Variants in IPO7 observed in about 807,000 individuals in gnomAD.
The protein encoded by IPO7 is importin 7, also known as importin-7.
In IPO7, 13 loss-of-function variants were observed where a neutral mutation model predicts 136.4. The observed-to-expected ratio is 0.10, with a 90% CI of 0.06 to 0.15. The LOEUF (loss-of-function observed/expected upper bound fraction) is 0.15. Ranked by LOEUF, IPO7 falls within the 10% of genes least tolerant of loss-of-function variation. IPO7 has a pLI of 1.00. For synonymous variants in IPO7, 403 were observed against 404.4 expected, an observed-to-expected ratio of 1.00 and a Z score of 0.04; for missense variants, 857 against 1,240.6, an observed-to-expected ratio of 0.69 and a Z score of 4.65.
chr11:9,422,926 T>G, intron 8 of IPO7, 80 bp from the exon 9 acceptor site: 1 of 745,024 alleles, frequency 1.3e-6, no homozygotes, highest in Non-Finnish European at 2.1e-6. Flanking sequence ...TTAAAATATG[T>G]GTTAACTGTT....
At chr11:9,432,404 G>A (rs1855307804) in intron 16 of IPO7, among the ~76,000 whole-genome samples, 1 of 152,018 alleles carries the variant, frequency 6.6e-6, no homozygotes, top group Admixed American at 6.6e-5. Flanking sequence ...GTTTCACCAT[G>A]TTGGCCGGCA....
At chr11:9,389,130 T>C (rs1854593159) in intron 1 of IPO7, among the ~76,000 whole-genome samples, 1 of 151,928 alleles carries the variant, frequency 6.6e-6, no homozygotes, top group South Asian at 2.1e-4. Flanking sequence ...CTTGGCTCAC[T>C]GTAGCCTCCA....
intron 3 of IPO7, among the ~76,000 whole-genome samples, chr11:9,409,493 C>A (rs1461522279): frequency 6.6e-6 from 1 of 152,040 alleles, no homozygotes; most frequent in Non-Finnish European, 1.5e-5. Flanking sequence ...GGCACAGTGG[C>A]CTCAGCCCCC....
rs754058526 is a variant in IPO7, at chr11:9,429,011, TCA to T, written c.1426-18_1426-17del. 6 of 1,607,162 alleles carry T rather than the reference TCA, an allele frequency of 3.7e-6. No homozygotes were observed. The highest frequency in any genetic ancestry group is 5.1e-6 in the Non-Finnish European group (6 of 1,174,038). ...TTTAAGGTAAGGTATCTACAGTAAC[TCA>T]CTGTGTTTTTACAAAAGGCTTGCTG... is the stretch of plus-strand genomic sequence containing the variant. On this transcript the variant is annotated intron_variant, in intron 13 of 24. Coordinates refer to ENST00000379719, the MANE Select transcript of IPO7 (RefSeq NM_006391.3).
intron 24 of IPO7, among the ~76,000 whole-genome samples, chr11:9,443,099 G>A (rs1245866608): frequency 6.6e-6 from 1 of 152,042 alleles, no homozygotes; most frequent in East Asian, 1.9e-4. Context: ...AGCTACTTGG[G>A]AGGCTGGGGC....
In IPO7 at chr11:9,397,343, T is replaced by TAAAAAAA. The variant is rs1854728056; in HGVS notation, c.85-5946_85-5945insAAAAAAA. 3.0e-4 allele frequency among the ~76,000 whole-genome samples: 2 copies of TAAAAAAA among 6,714 alleles called. 1 individual carries two copies. Among genetic ancestry groups the TAAAAAAA allele is most frequent in the African/African-American group, 9.3e-4 (2 of 2,144 alleles). The allele number at this position is 6,714 out of a possible 152,430, so 4.4% of individuals were successfully genotyped here. A position where few individuals can be genotyped will look rare whatever the true frequency, so the allele number is the denominator to read the frequency against. On this transcript the variant is annotated intron_variant, in intron 1 of 24. Transcript: ENST00000379719. ...TTACTAAAAATAATTTAAAAAAAAA[T>TAAAAAAA]ATATATATATATATATATATATTAG...
chr11:9,421,418 A>G (rs1286942178), intron 8 of IPO7, among the ~76,000 whole-genome samples: 1 of 151,190 alleles, frequency 6.6e-6, no homozygotes, highest in South Asian at 2.1e-4. Flanking sequence ...TCACGAGGTC[A>G]GGAGTTCGAG....
intron 12 of IPO7, among the ~76,000 whole-genome samples, chr11:9,426,048 CA>C (rs1222449357): frequency 4.0e-5 from 6 of 148,842 alleles, no homozygotes; most frequent in Non-Finnish European, 5.9e-5. Context: ...GACTCCGTCT[CA>C]AAAAAAAATA....
chr11:9,385,575 G>A (rs1431201889), intron 1 of IPO7, among the ~76,000 whole-genome samples: 3 of 152,206 alleles, frequency 2.0e-5, no homozygotes, highest in African/African-American at 7.2e-5. Context: ...GTGACCTTGG[G>A]CCAGTCGCTT....
At chr11:9,395,490 T>G (rs1461234296) in intron 1 of IPO7, among the ~76,000 whole-genome samples, 1 of 151,888 alleles carries the variant, frequency 6.6e-6, no homozygotes, top group Non-Finnish European at 1.5e-5. Context: ...CTGCCTGCCT[T>G]GGCCTCCCAA....
rs139487830 is a variant in IPO7, at chr11:9,385,464, T to C, written c.84+617T>C. Among the ~76,000 whole-genome samples, 1,391 of 152,304 alleles carry C rather than the reference T, an allele frequency of 9.1e-3. 13 individuals carry two copies. Among genetic ancestry groups the C allele is most frequent in the Non-Finnish European group, 0.014 (925 of 68,004 alleles). On this transcript the variant is annotated intron_variant, in intron 1 of 24. Transcript: ENST00000379719. ...CACTCACAGAGTCTGATCCCTGCTT[T>C]TCCGCTGTCCTAATGCTTCAGTCGG...
In IPO7 at chr11:9,437,881, A is replaced by G; in HGVS notation, c.2396A>G (p.Asn799Ser). 1 of 1,613,690 alleles carries G rather than the reference A, an allele frequency of 6.2e-7. No individual in the cohort carries two copies. Among genetic ancestry groups the G allele is most frequent in the Admixed American group, 1.7e-5 (1 of 60,010 alleles). ...TATTATAATCCACACCTACTACTCA[A>G]TACCTTAGAAAATCTTCGCTTCCCT... ...ALYYNPHLLLNTLENLRFPNN... is the reference protein window; with the variant it reads ...ALYYNPHLLLSTLENLRFPNN... The change falls in exon 21 of 25, where the codon AAT becomes AGT. Residue 799 changes from asparagine (N) to serine (S), a missense_variant. Physicochemically the swap from Asn to Ser is conservative, Grantham distance 46. This residue lies in a region of IPO7 where 190 missense variants were observed against 249.0 expected (regional missense o/e 0.76). Coordinates refer to ENST00000379719, the MANE Select transcript of IPO7 (RefSeq NM_006391.3).
chr11:9,397,985 A>C (rs867884506), intron 1 of IPO7, among the ~76,000 whole-genome samples: 5 of 152,358 alleles, frequency 3.3e-5, no homozygotes, highest in Middle Eastern at 3.4e-3. Flanking sequence ...AACCAAGACT[A>C]TCTGATTGCA....
chr11:9,394,919 T>C (rs913288208), intron 1 of IPO7, among the ~76,000 whole-genome samples: 2 of 152,286 alleles, frequency 1.3e-5, no homozygotes, highest in South Asian at 2.1e-4. Context: ...GGTGATTTTG[T>C]GTTATGGTTA....
At position 9,438,146 on chromosome 11, in the gene IPO7, A is replaced by G; in HGVS notation, c.2556A>G (p.Gln852=). 1.3e-6 allele frequency: 2 copies of G among 1,595,956 alleles called. No homozygotes were observed. Among genetic ancestry groups the G allele is most frequent in the Non-Finnish European group, 1.7e-6 (2 of 1,173,926 alleles). ...CALIDMEQIP[Q]VLNQVSGQIL... is the part of the protein sequence containing the mutation. ...TTATTGATATGGAACAGATACCCCA[A>G]GTTTTAAATCAGGTTTCTGGACAGA... The change falls in exon 22 of 25, where the codon CAA becomes CAG. Residue 852 remains glutamine (Q), a synonymous_variant. Transcript: ENST00000379719.
intron 1 of IPO7, among the ~76,000 whole-genome samples, chr11:9,397,361 T>TATATATATATATATATAA (rs377148636): frequency 4.7e-5 from 2 of 42,282 alleles, no homozygotes; most frequent in African/African-American, 1.1e-4. Context: ...TATATATATA[T>TATATATATATATATATAA]ATATTAGTCG....
chr11:9,423,867 A>G lies in IPO7; in HGVS notation c.1132A>G (p.Met378Val). Residue 378 changes from methionine (M) to valine (V), a missense_variant, in exon 10 of 25, where the codon ATG becomes GTG. Coordinates refer to ENST00000379719, the MANE Select transcript of IPO7 (RefSeq NM_006391.3). ...WQEDPYEYIR[M>V]KFDVFEDFIS... is the part of the protein sequence containing the mutation. ...AGAAGACCCTTACGAATATATACGC[A>G]TGAAGTTTGGTAAGGAATTTTCACG... The G allele has an allele frequency of 6.3e-7, 1 of 1,593,736 alleles. No homozygotes were observed. The highest frequency in any genetic ancestry group is 8.6e-7 in the Non-Finnish European group (1 of 1,162,746).
At chr11:9,433,064 A>T (rs1204444390) in intron 16 of IPO7, 2 of 145,942 alleles carry the variant, frequency 1.4e-5, no homozygotes, top group Non-Finnish European at 3.0e-5. Flanking sequence ...GGCTCACTGC[A>T]ACCTCCACCT....
At chr11:9,415,293 G>C (rs1228913653) in intron 5 of IPO7, among the ~76,000 whole-genome samples, 1 of 151,602 alleles carries the variant, frequency 6.6e-6, no homozygotes, top group East Asian at 1.9e-4. Context: ...TTGCACTCCA[G>C]CCTGGGCAAC....
Sources: allele counts gnomAD v4.1 joint callset (sites outside exome capture counted in the v4.1 genomes callset), GRCh38; gene constraint gnomAD v4.1.1; regional missense constraint gnomAD v4.1.1; transcripts MANE v1.5; gene names NCBI Gene and HGNC (gene_info 2026-07-23, HGNC 2026-07-21).